SLC1A1: variants seen among roughly 807,000 people sequenced by gnomAD.
SLC1A1 encodes solute carrier family 1 member 1, also known as excitatory amino acid transporter 3.
A neutral mutation model predicts 53.3 loss-of-function variants in SLC1A1; 43 were observed. The observed-to-expected ratio is 0.81, with a 90% confidence interval of 0.63 to 1.04. The LOEUF is 1.04. SLC1A1 is among the 50% of genes least tolerant of loss of function. The pLI is 0.00. For missense variants in SLC1A1, 748 were observed against 664.9 expected (o/e 1.12, Z -1.37); for synonymous variants, 307 against 243.2 (o/e 1.26, Z -2.44).
intron 6 of SLC1A1, among the ~76,000 whole-genome samples, chr9:4,570,913 T>C (rs1311602583): frequency 7.0e-6 from 1 of 143,506 alleles, no homozygotes; most frequent in Non-Finnish European, 1.5e-5. Context: ...ACCCTGTCTG[T>C]TTAAAAAAAA....
intron 1 of SLC1A1, among the ~76,000 whole-genome samples, chr9:4,515,379 G>A (rs908235042): frequency 6.6e-6 from 1 of 152,166 alleles, no homozygotes; most frequent in Admixed American, 6.5e-5. Flanking sequence ...AGAATGAAAA[G>A]TCTGAGGTTT....
intron 2 of SLC1A1, chr9:4,559,799 T>C (rs917436884): frequency 6.6e-6 from 1 of 152,224 alleles, no homozygotes. Flanking sequence ...TCAGGCTTGG[T>C]AGTGTCTGAA....
Position 4,559,592 on chromosome 9 carries a change from G to A in SLC1A1, c.233-1857G>A, listed in dbSNP as rs144330037. Among the ~76,000 whole-genome samples, 135 of 152,234 alleles carry A rather than the reference G, an allele frequency of 8.9e-4. 2 individuals carry two copies. Among genetic ancestry groups the A allele is most frequent in the African/African-American group, 3.1e-3 (129 of 41,548 alleles). On this transcript the variant is annotated intron_variant, in intron 2 of 11. Coordinates refer to ENST00000262352, the MANE Select transcript of SLC1A1 (RefSeq NM_004170.6). ...TTTAGTGTGGGAAATGAACATAAAA[G>A]TTACCTATGCATGCTGATAGCCATA...
intron 1 of SLC1A1, among the ~76,000 whole-genome samples, chr9:4,517,409 G>C (rs776591342): frequency 6.6e-6 from 1 of 152,146 alleles, no homozygotes; most frequent in African/African-American, 2.4e-5. Flanking sequence ...CAGGAGCAGC[G>C]TCCTCTCTTT....
intron 1 of SLC1A1, among the ~76,000 whole-genome samples, chr9:4,497,810 T>A (rs771744813): frequency 6.6e-6 from 1 of 152,220 alleles, no homozygotes; most frequent in Admixed American, 6.5e-5. Context: ...ACTGTTTTTT[T>A]AATTTTTAAA....
At chr9:4,532,113 G>A (rs946604620) in intron 1 of SLC1A1, among the ~76,000 whole-genome samples, 16 of 152,126 alleles carry the variant, frequency 1.1e-4, no homozygotes, top group African/African-American at 3.9e-4. Context: ...GGAAAAAACA[G>A]AGCAGAAAAA....
intron 1 of SLC1A1, among the ~76,000 whole-genome samples, chr9:4,542,312 C>T (rs1817088243): frequency 6.6e-6 from 1 of 152,108 alleles, no homozygotes; most frequent in African/African-American, 2.4e-5. Context: ...GTACATGTCA[C>T]CTTTTATTGC....
At chr9:4,515,481 G>A (rs560017148) in intron 1 of SLC1A1, among the ~76,000 whole-genome samples, 2 of 152,156 alleles carry the variant, frequency 1.3e-5, no homozygotes, top group African/African-American at 4.8e-5. Context: ...TGTATATTGA[G>A]TTTGTCACTG....
chr9:4,558,005 T>A (rs945909391), intron 2 of SLC1A1, among the ~76,000 whole-genome samples: 1 of 152,204 alleles, frequency 6.6e-6, no homozygotes, highest in African/African-American at 2.4e-5. Context: ...GAATTAAAGA[T>A]GATGCATTAA....
chr9:4,561,013 A>AAAC (rs869138304), intron 2 of SLC1A1, among the ~76,000 whole-genome samples: 12 of 141,654 alleles, frequency 8.5e-5, no homozygotes, highest in East Asian at 2.3e-4. Context: ...ACAAACAAAC[A>AAAC]AACAACAACA....
chr9:4,567,758 A>ATT lies in SLC1A1; in HGVS notation c.573_574insTT (p.Ile192LeufsTer20). On this transcript the variant is annotated frameshift_variant, in exon 6 of 12. Coordinates refer to ENST00000262352, the MANE Select transcript of SLC1A1 (RefSeq NM_004170.6). LOFTEE classifies it high-confidence loss of function. ...CCTTCACAGCTGTCATGACAACTGC[A>ATT]ATTTCCAAGGTACCATTCTTATTTC... is the stretch of plus-strand genomic sequence containing the variant. The ATT allele has an allele frequency of 6.3e-7, 1 of 1,596,950 alleles. No homozygotes were observed. Among genetic ancestry groups the ATT allele is most frequent in the Non-Finnish European group, 8.6e-7 (1 of 1,164,536 alleles).
At chr9:4,569,456 A>T (rs1041276385) in intron 6 of SLC1A1, among the ~76,000 whole-genome samples, 1 of 152,214 alleles carries the variant, frequency 6.6e-6, no homozygotes, top group African/African-American at 2.4e-5. Flanking sequence ...CTATAAACTT[A>T]TCAATAAAAT....
chr9:4,558,687 GATTTA>G (rs1200347518), intron 2 of SLC1A1, among the ~76,000 whole-genome samples: 3 of 152,248 alleles, frequency 2.0e-5, no homozygotes, highest in Admixed American at 2.0e-4. Flanking sequence ...TATCCACATA[GATTTA>G]ATTTGTTTCA....
intron 1 of SLC1A1, among the ~76,000 whole-genome samples, chr9:4,527,731 T>C (rs1463460357): frequency 6.6e-6 from 1 of 152,084 alleles, no homozygotes; most frequent in Non-Finnish European, 1.5e-5. Flanking sequence ...TTATATGGAG[T>C]TTGAGTTTTG....
chr9:4,500,084 C>G (rs935461425), intron 1 of SLC1A1, among the ~76,000 whole-genome samples: 7 of 152,134 alleles, frequency 4.6e-5, no homozygotes, highest in African/African-American at 1.7e-4. Flanking sequence ...CTGAAAATAA[C>G]TGTCCTAGGG....
intron 1 of SLC1A1, among the ~76,000 whole-genome samples, chr9:4,504,259 G>C (rs568074346): frequency 6.6e-6 from 1 of 152,142 alleles, no homozygotes; most frequent in Admixed American, 6.5e-5. Context: ...AGCCTTTTCA[G>C]CTACGGTATT....
At chr9:4,524,070 T>C (rs1816178040) in intron 1 of SLC1A1, among the ~76,000 whole-genome samples, 1 of 152,202 alleles carries the variant, frequency 6.6e-6, no homozygotes, top group South Asian at 2.1e-4. Context: ...ATTTCCCCAT[T>C]TGGCCAATGC....
intron 2 of SLC1A1, among the ~76,000 whole-genome samples, chr9:4,554,801 T>G (rs1818224099): frequency 2.0e-5 from 3 of 152,250 alleles, no homozygotes; most frequent in Admixed American, 6.5e-5. Context: ...AAGGATCTCT[T>G]TAGTGACCGT....
At chr9:4,544,852 A>ATCATGGC in intron 2 of SLC1A1, 145 bp downstream of exon 2, 1 of 739,086 alleles carries the variant, frequency 1.4e-6, no homozygotes, top group East Asian at 2.7e-5. Context: ...GAAACTCACA[A>ATCATGGC]TCATGGCGGA....
Sources: allele counts gnomAD v4.1 joint callset (sites outside exome capture counted in the v4.1 genomes callset), GRCh38; gene constraint gnomAD v4.1.1; transcripts MANE v1.5; gene names NCBI Gene and HGNC (gene_info 2026-07-23, HGNC 2026-07-21).